The following PTPRD variants were observed in gnomAD, a reference collection of about 807,000 sequenced individuals.
PTPRD encodes receptor-type tyrosine-protein phosphatase delta.
Under a neutral mutation model 214.5 loss-of-function variants are expected in PTPRD, and 34 were observed. That is an observed-to-expected ratio of 0.16 (90% CI 0.12 to 0.21). The LOEUF (loss-of-function observed/expected upper bound fraction) is 0.21. PTPRD is among the 10% of genes least tolerant of loss of function. PTPRD has a pLI of 1.00. For synonymous variants in PTPRD, 1,128 were observed against 845.7 expected, an observed-to-expected ratio of 1.33 and a Z score of -5.79; for missense variants, 2,545 against 2,398.7, an observed-to-expected ratio of 1.06 and a Z score of -1.27.
chr9:9,150,962 T>C (rs2099876263), intron 10 of PTPRD, among the ~76,000 whole-genome samples: 1 of 152,198 alleles, frequency 6.6e-6, no homozygotes, highest in Admixed American at 6.5e-5. Context: ...TAGAAGTACC[T>C]GCTGAATACA....
At chr9:10,096,358 C>G (rs1409103364) in intron 3 of PTPRD, among the ~76,000 whole-genome samples, 1 of 151,576 alleles carries the variant, frequency 6.6e-6, no homozygotes, top group Non-Finnish European at 1.5e-5. Context: ...CTGACAGAAA[C>G]TGTTTAAAAA....
intron 3 of PTPRD, among the ~76,000 whole-genome samples, chr9:10,139,069 A>G (rs1033338657): frequency 6.6e-6 from 1 of 152,088 alleles, no homozygotes; most frequent in African/African-American, 2.4e-5. Flanking sequence ...AAAAATAAAG[A>G]GGCATCCAAA....
chr9:10,336,659 G>A (rs546065107), intron 3 of PTPRD, among the ~76,000 whole-genome samples: 2 of 151,596 alleles, frequency 1.3e-5, no homozygotes, highest in East Asian at 3.9e-4. Context: ...TAGATGGTTG[G>A]AAGGTTGAAA....
intron 8 of PTPRD, among the ~76,000 whole-genome samples, chr9:9,404,389 T>C (rs2072334527): frequency 6.6e-6 from 1 of 151,934 alleles, no homozygotes. Context: ...ACTGGAGAGA[T>C]TGGTATAGAT....
At chr9:10,491,959 C>A (rs1566483173) in intron 2 of PTPRD, among the ~76,000 whole-genome samples, 1 of 152,222 alleles carries the variant, frequency 6.6e-6, no homozygotes, top group Admixed American at 6.5e-5. Flanking sequence ...TGAGAACATG[C>A]AGTGTTTGGT....
intron 9 of PTPRD, among the ~76,000 whole-genome samples, chr9:9,303,976 T>C (rs372604822): frequency 6.6e-6 from 1 of 152,160 alleles, no homozygotes; most frequent in Non-Finnish European, 1.5e-5. Flanking sequence ...GTAACATTTG[T>C]TCCTACTTCT....
intron 5 of PTPRD, among the ~76,000 whole-genome samples, chr9:9,931,631 A>G (rs7044523): frequency 0.16 from 24,699 of 151,380 alleles, 5,185 homozygotes; most frequent in African/African-American, 0.49. Context: ...AAACTGCAAG[A>G]CGGCAACGAG....
At chr9:10,170,935 C>G (rs1320588735) in intron 3 of PTPRD, among the ~76,000 whole-genome samples, 1 of 152,062 alleles carries the variant, frequency 6.6e-6, no homozygotes, top group East Asian at 1.9e-4. Flanking sequence ...TCTTCTCCAC[C>G]CGGTATAATT....
intron 2 of PTPRD, among the ~76,000 whole-genome samples, chr9:10,603,717 T>G (rs904020785): frequency 2.0e-5 from 3 of 151,882 alleles, no homozygotes; most frequent in African/African-American, 7.2e-5. Flanking sequence ...TGGCTATTAT[T>G]ATTACCTTCT....
intron 11 of PTPRD, among the ~76,000 whole-genome samples, chr9:8,783,480 C>A (rs577872101): frequency 4.6e-5 from 7 of 152,136 alleles, no homozygotes; most frequent in Non-Finnish European, 1.0e-4. Context: ...CCAAGTGATT[C>A]TATGGAGTAA....
At chr9:9,347,590 G>A (rs1483678463) in intron 9 of PTPRD, among the ~76,000 whole-genome samples, 2 of 151,992 alleles carry the variant, frequency 1.3e-5, no homozygotes, top group African/African-American at 2.4e-5. Context: ...AGAGTGGCAA[G>A]GGAAAAACAA....
chr9:10,203,666 T>C (rs2099446081), intron 3 of PTPRD, among the ~76,000 whole-genome samples: 1 of 152,140 alleles, frequency 6.6e-6, no homozygotes, highest in South Asian at 2.1e-4. Context: ...GATCCTTAAT[T>C]GGGACAATTC....
intron 15 of PTPRD, chr9:8,528,296 C>T: frequency 4.5e-6 from 2 of 445,198 alleles, no homozygotes; most frequent in Non-Finnish European, 7.9e-6. Flanking sequence ...AAAATGGATC[C>T]ATCAAATACT....
intron 35 of PTPRD, among the ~76,000 whole-genome samples, chr9:8,408,992 T>C (rs2093295879): frequency 6.6e-6 from 1 of 152,230 alleles, no homozygotes; most frequent in Non-Finnish European, 1.5e-5. Context: ...CCTTTTTATT[T>C]GATCAACTAG....
intron 2 of PTPRD, among the ~76,000 whole-genome samples, chr9:10,495,923 T>G (rs1383596303): frequency 1.3e-5 from 2 of 151,810 alleles, no homozygotes; most frequent in Non-Finnish European, 2.9e-5. Flanking sequence ...AAATACAAAT[T>G]GGCTGAGTTT....
intron 8 of PTPRD, among the ~76,000 whole-genome samples, chr9:9,422,459 G>T (rs1010862350): frequency 6.6e-6 from 1 of 152,112 alleles, no homozygotes; most frequent in African/African-American, 2.4e-5. Flanking sequence ...CACAGACAAA[G>T]AAGCATTTTT....
chr9:9,692,865 G>T (rs1009434173), intron 7 of PTPRD, among the ~76,000 whole-genome samples: 19 of 151,480 alleles, frequency 1.3e-4, no homozygotes, highest in Non-Finnish European at 1.6e-4. Context: ...TAATTCCTAG[G>T]TATTTAATTT....
chr9:9,047,751 A>T lies in PTPRD; in HGVS notation c.-142-29016T>A, dbSNP rs140575616. Among the ~76,000 whole-genome samples, 682 of 152,232 alleles carry T rather than the reference A, an allele frequency of 4.5e-3. 7 individuals carry two copies. Among genetic ancestry groups the T allele is most frequent in the African/African-American group, 0.016 (647 of 41,560 alleles). ...CAATCATATATGAAAATCATGACTTAAATCTAAGACCTCACACTATAAAAC... is the reference window on the plus strand; with the variant it reads ...CAATCATATATGAAAATCATGACTTTAATCTAAGACCTCACACTATAAAAC... On this transcript the variant is annotated intron_variant, in intron 10 of 45. Coordinates refer to ENST00000381196, the MANE Select transcript of PTPRD (RefSeq NM_002839.4).
rs146290999 is a variant in PTPRD at position 8,689,642 on chromosome 9, C to T, written c.64+44138G>A. On this transcript the variant is annotated intron_variant, in intron 12 of 45. Transcript: ENST00000381196. Reference sequence around the variant, plus strand: ...TGATTCAAATTATCTCCCATTGGGTCCCTCCCTCACACATGGGAATTATAG... The same window carrying T: ...TGATTCAAATTATCTCCCATTGGGTTCCTCCCTCACACATGGGAATTATAG... Among the ~76,000 whole-genome samples the T allele has an allele frequency of 3.5e-3, 536 of 152,228 alleles. 4 individuals are homozygous for T. The highest frequency in any genetic ancestry group is 0.013 in the African/African-American group (524 of 41,524).
Sources: allele counts gnomAD v4.1 joint callset (sites outside exome capture counted in the v4.1 genomes callset), GRCh38; gene constraint gnomAD v4.1.1; transcripts MANE v1.5; gene names NCBI Gene and HGNC (gene_info 2026-07-23, HGNC 2026-07-21).